SCAPER: variants seen among roughly 807,000 people sequenced by gnomAD.
SCAPER encodes the protein S-phase cyclin A associated protein in the ER, also known as S phase cyclin A-associated protein in the endoplasmic reticulum.
A neutral mutation model predicts 182.2 loss-of-function variants in SCAPER; 98 were observed. The ratio of observed to expected loss-of-function variants is 0.54; its 90% CI spans 0.46 to 0.64. The LOEUF is 0.64. SCAPER is among the 30% of genes least tolerant of loss of function. SCAPER has a pLI of 0.00. For missense variants in SCAPER, 1,432 were observed against 1,690.0 expected (o/e 0.85, Z 2.68); for synonymous variants, 605 against 564.6 (o/e 1.07, Z -1.01).
chr15:76,443,283 TATAAC>T (rs2047748849), intron 25 of SCAPER, among the ~76,000 whole-genome samples: 1 of 152,212 alleles, frequency 6.6e-6, no homozygotes, highest in Non-Finnish European at 1.5e-5. Context: ...ACCAACTTGT[TATAAC>T]ATGTCTGAAG....
At chr15:76,737,766 A>G (rs1433083502) in intron 15 of SCAPER, among the ~76,000 whole-genome samples, 1 of 152,216 alleles carries the variant, frequency 6.6e-6, no homozygotes, top group South Asian at 2.1e-4. Flanking sequence ...TTCAGCTTCT[A>G]CGTCAGCACT....
At chr15:76,857,474 T>C (rs1180597654) in intron 4 of SCAPER, among the ~76,000 whole-genome samples, 1 of 151,814 alleles carries the variant, frequency 6.6e-6, no homozygotes, top group East Asian at 1.9e-4. Flanking sequence ...AAAAATTAAC[T>C]GCCTGGGTTC....
chr15:76,838,084 A>G (rs1356537374), intron 5 of SCAPER, among the ~76,000 whole-genome samples: 1 of 152,200 alleles, frequency 6.6e-6, no homozygotes, highest in Non-Finnish European at 1.5e-5. Context: ...TGCTCTACCA[A>G]AAAGATATAT....
intron 24 of SCAPER, among the ~76,000 whole-genome samples, chr15:76,481,626 C>G (rs1238240275): frequency 6.6e-6 from 1 of 152,162 alleles, no homozygotes; most frequent in African/African-American, 2.4e-5. Context: ...CCACTCAGGT[C>G]CAGAATTTTG....
At chr15:76,462,604 A>G (rs2049275133) in intron 25 of SCAPER, among the ~76,000 whole-genome samples, 1 of 152,174 alleles carries the variant, frequency 6.6e-6, no homozygotes, top group South Asian at 2.1e-4. Flanking sequence ...ATTTGTAAGC[A>G]GTGTGACATA....
chr15:76,798,484 GA>G (rs970589169), intron 7 of SCAPER, among the ~76,000 whole-genome samples: 7 of 148,222 alleles, frequency 4.7e-5, no homozygotes, highest in Non-Finnish European at 8.9e-5. Flanking sequence ...GAAAGGGGCA[GA>G]AAAAAAAACA....
At chr15:76,486,652 C>T (rs2051685535) in intron 24 of SCAPER, among the ~76,000 whole-genome samples, 1 of 152,158 alleles carries the variant, frequency 6.6e-6, no homozygotes, top group African/African-American at 2.4e-5. Context: ...TACCATCTTA[C>T]ACCAGTCAGA....
At chr15:76,394,901 T>A (rs574367060) in intron 27 of SCAPER, among the ~76,000 whole-genome samples, 1 of 152,344 alleles carries the variant, frequency 6.6e-6, no homozygotes, top group South Asian at 2.1e-4. Flanking sequence ...TATTACTGAC[T>A]ATAGTCACCC....
At chr15:76,591,346 C>A (rs2049093507) in intron 22 of SCAPER, among the ~76,000 whole-genome samples, 1 of 152,026 alleles carries the variant, frequency 6.6e-6, no homozygotes, top group Non-Finnish European at 1.5e-5. Flanking sequence ...TACATATATA[C>A]AATGTCATAT....
rs375991391 is a variant in SCAPER at position 76,428,866 on chromosome 15, CTATATA to C, written c.3311+5206_3311+5211del. 5.9e-4 allele frequency among the ~76,000 whole-genome samples: 47 copies of C among 79,912 alleles called. 1 individual carries two copies. Among genetic ancestry groups the C allele is most frequent in the East Asian group, 2.1e-3 (4 of 1,898 alleles). 52.4% of individuals were successfully genotyped at this position (79,912 alleles called of 152,430 possible). A position where few individuals can be genotyped will look rare whatever the true frequency, so the allele number is the denominator to read the frequency against. On this transcript the variant is annotated intron_variant, in intron 26 of 31. Transcript: ENST00000563290. ...TAGGTATCCTGATCAGATCATTATA[CTATATA>C]TATATATATATATATATATATAAAC...
chr15:76,457,352 C>T (rs1004956212), intron 25 of SCAPER, among the ~76,000 whole-genome samples: 3 of 152,210 alleles, frequency 2.0e-5, no homozygotes, highest in African/African-American at 7.2e-5. Context: ...CATGAGCCAC[C>T]ACGCACAGCT....
chr15:76,350,366 T>TTGTGTGTGTGTGTGTG (rs10660714), intron 31 of SCAPER: 2 of 145,302 alleles, frequency 1.4e-5, no homozygotes, highest in African/African-American at 5.2e-5. Context: ...GTAGAGGACT[T>TTGTGTGTGTGTGTGTG]TGTGTGTGTG....
chr15:76,618,932 C>T (rs181932897), intron 22 of SCAPER, among the ~76,000 whole-genome samples: 1 of 152,204 alleles, frequency 6.6e-6, no homozygotes, highest in South Asian at 2.1e-4. Context: ...GCAACCTCCA[C>T]CTCCCGGGTT....
intron 17 of SCAPER, among the ~76,000 whole-genome samples, chr15:76,712,654 A>G (rs1038265322): frequency 2.2e-4 from 33 of 152,088 alleles, no homozygotes; most frequent in Middle Eastern, 3.4e-3. Context: ...GGTCCTTCAC[A>G]TCCCTTGTAA....
At chr15:76,460,479 A>G (rs1234332015) in intron 25 of SCAPER, among the ~76,000 whole-genome samples, 3 of 152,144 alleles carry the variant, frequency 2.0e-5, no homozygotes, top group South Asian at 4.1e-4. Flanking sequence ...TTTTCTAAAT[A>G]TAAGATCATG....
intron 23 of SCAPER, among the ~76,000 whole-genome samples, chr15:76,538,431 T>C (rs1256408395): frequency 6.6e-5 from 10 of 150,896 alleles, no homozygotes; most frequent in South Asian, 2.1e-4. Context: ...ATGGATGAAA[T>C]TGGAAATCAT....
At chr15:76,707,540 T>C (rs1037925606) in intron 17 of SCAPER, among the ~76,000 whole-genome samples, 2 of 152,152 alleles carry the variant, frequency 1.3e-5, no homozygotes, top group East Asian at 1.9e-4. Flanking sequence ...TATTTTATAA[T>C]GAATCAATAC....
intron 23 of SCAPER, among the ~76,000 whole-genome samples, chr15:76,566,738 A>G (rs1367803760): frequency 6.6e-6 from 1 of 152,104 alleles, no homozygotes; most frequent in African/African-American, 2.4e-5. Flanking sequence ...TTCTTCAATA[A>G]AAAAATTTCT....
chr15:76,665,560 A>G, intron 21 of SCAPER, 93 bp downstream of exon 21: 1 of 1,409,362 alleles, frequency 7.1e-7, no homozygotes, highest in Non-Finnish European at 9.4e-7. Context: ...TCATGAAGCA[A>G]ACAACTTTAA....
Sources: gnomAD v4.1 joint callset for allele counts (sites outside exome capture counted in the v4.1 genomes callset) on GRCh38, gnomAD v4.1.1 for gene constraint, MANE v1.5 for transcripts, NCBI Gene and HGNC (gene_info 2026-07-23, HGNC 2026-07-21) for gene names.